Variants in MSRA observed in about 807,000 individuals in gnomAD.
MSRA encodes methionine sulfoxide reductase A.
A neutral mutation model predicts 31.3 loss-of-function variants in MSRA; 54 were observed. That is an observed-to-expected ratio of 1.73 (90% CI 1.39 to 2.17). MSRA has a LOEUF of 2.17. Ranked by LOEUF, MSRA falls within the 30% of genes most tolerant of loss-of-function variation. MSRA has a pLI of 0.00. For missense variants in MSRA, 507 were observed against 300.9 expected (o/e 1.69, Z -5.07); for synonymous variants, 169 against 116.5 (o/e 1.45, Z -2.90).
At chr8:10,320,204 C>T (rs954972212) in intron 5 of MSRA, 1 of 373,610 alleles carries the variant, frequency 2.7e-6, no homozygotes, top group Middle Eastern at 7.1e-4. Context: ...GCCAGTGGCT[C>T]ATGCCTGTAA....
intron 1 of MSRA, among the ~76,000 whole-genome samples, chr8:10,189,856 C>T (rs1807361281): frequency 6.6e-6 from 1 of 152,022 alleles, no homozygotes; most frequent in South Asian, 2.1e-4. Flanking sequence ...GGGAAAGGTT[C>T]CCCCTTCCTC....
chr8:10,354,116 T>G (rs566888236), intron 5 of MSRA, among the ~76,000 whole-genome samples: 21 of 152,360 alleles, frequency 1.4e-4, no homozygotes, highest in African/African-American at 5.0e-4. Context: ...GCACTTTATT[T>G]TTGAATCTTT....
intron 1 of MSRA, among the ~76,000 whole-genome samples, chr8:10,166,769 G>T (rs994253558): frequency 1.3e-5 from 2 of 152,068 alleles, no homozygotes; most frequent in South Asian, 2.1e-4. Context: ...TGGTGGTTTT[G>T]CCCATTTCTA....
intron 1 of MSRA, among the ~76,000 whole-genome samples, chr8:10,204,558 G>T (rs932960912): frequency 6.6e-6 from 1 of 152,310 alleles, no homozygotes; most frequent in African/African-American, 2.4e-5. Flanking sequence ...TCATAGCCTA[G>T]GGGCAATAGA....
At chr8:10,190,991 G>A (rs1311199203) in intron 1 of MSRA, among the ~76,000 whole-genome samples, 1 of 152,188 alleles carries the variant, frequency 6.6e-6, no homozygotes, top group Admixed American at 6.5e-5. Flanking sequence ...GTTTTCTGGT[G>A]TCTCATGACC....
intron 5 of MSRA, among the ~76,000 whole-genome samples, chr8:10,406,165 G>C (rs535902270): frequency 6.6e-6 from 1 of 152,254 alleles, no homozygotes; most frequent in African/African-American, 2.4e-5. Flanking sequence ...CTTGTGTCGG[G>C]CAGTGGCGGG....
intron 1 of MSRA, among the ~76,000 whole-genome samples, chr8:10,186,492 A>G (rs756154951): frequency 2.6e-5 from 4 of 152,242 alleles, no homozygotes; most frequent in Non-Finnish European, 2.9e-5. Context: ...ATTAAAATAT[A>G]TGAAAACCAC....
intron 1 of MSRA, among the ~76,000 whole-genome samples, chr8:10,175,484 C>T (rs868013831): frequency 6.6e-6 from 1 of 152,142 alleles, no homozygotes; most frequent in Admixed American, 6.5e-5. Context: ...AACCGAGATT[C>T]CAGATTAAAG....
At chr8:10,144,436 A>G (rs1307058759) in intron 1 of MSRA, among the ~76,000 whole-genome samples, 6 of 152,188 alleles carry the variant, frequency 3.9e-5, no homozygotes, top group African/African-American at 1.2e-4. Context: ...ACGTAAGTTA[A>G]TATTTGTGAA....
At chr8:10,268,080 ACT>A (rs1798838766) in intron 3 of MSRA, among the ~76,000 whole-genome samples, 1 of 152,074 alleles carries the variant, frequency 6.6e-6, no homozygotes, top group Non-Finnish European at 1.5e-5. Context: ...TTTATTTATA[ACT>A]CTAGTGCCAT....
intron 1 of MSRA, among the ~76,000 whole-genome samples, chr8:10,203,722 G>A (rs1447241925): frequency 1.3e-5 from 2 of 152,174 alleles, no homozygotes; most frequent in Non-Finnish European, 1.5e-5. Flanking sequence ...ATTTTAGAGT[G>A]TGCTCCTGCA....
chr8:10,183,995 TG>T (rs1490172912), intron 1 of MSRA, among the ~76,000 whole-genome samples: 1 of 816 alleles, frequency 1.2e-3, no homozygotes, highest in African/African-American at 3.4e-3. Flanking sequence ...CTGGTTTTCT[TG>T]GCTACTAGGT....
chr8:10,314,351 G>C (rs1261382508), intron 4 of MSRA, among the ~76,000 whole-genome samples: 1 of 151,894 alleles, frequency 6.6e-6, no homozygotes, highest in East Asian at 1.9e-4. Context: ...AGACTGCTGA[G>C]AGAAAAAATG....
intron 5 of MSRA, among the ~76,000 whole-genome samples, chr8:10,356,411 A>C (rs1204010273): frequency 6.6e-6 from 1 of 152,186 alleles, no homozygotes; most frequent in Non-Finnish European, 1.5e-5. Context: ...CCTCTCCTCC[A>C]TCTGCCCCAC....
At chr8:10,211,236 C>T (rs1045557518) in intron 2 of MSRA, among the ~76,000 whole-genome samples, 1 of 152,106 alleles carries the variant, frequency 6.6e-6, no homozygotes, top group East Asian at 1.9e-4. Flanking sequence ...CATGAATGGT[C>T]ATATCAAGGG....
chr8:10,422,627 T>C (rs1001407907), intron 5 of MSRA, among the ~76,000 whole-genome samples: 6 of 152,080 alleles, frequency 3.9e-5, no homozygotes, highest in Non-Finnish European at 8.8e-5. Flanking sequence ...GTCAAGATAC[T>C]TGGAGTCAGT....
At chr8:10,312,989 T>C (rs995952437) in intron 4 of MSRA, among the ~76,000 whole-genome samples, 29 of 152,198 alleles carry the variant, frequency 1.9e-4, no homozygotes, top group African/African-American at 6.5e-4. Flanking sequence ...CTAATCAGCA[T>C]TGGAGTGGGG....
At chr8:10,424,413 A>G (rs544818954) in intron 5 of MSRA, among the ~76,000 whole-genome samples, 15 of 134,630 alleles carry the variant, frequency 1.1e-4, no homozygotes. Flanking sequence ...CCGGAATGGA[A>G]TAGGATCGGG....
At chr8:10,388,420 C>A (rs926512470) in intron 5 of MSRA, among the ~76,000 whole-genome samples, 1 of 152,202 alleles carries the variant, frequency 6.6e-6, no homozygotes, top group Non-Finnish European at 1.5e-5. Context: ...AGGGTAACTT[C>A]TCTGTTTTCA....
Sources: allele counts gnomAD v4.1 joint callset (sites outside exome capture counted in the v4.1 genomes callset), GRCh38; gene constraint gnomAD v4.1.1; transcripts MANE v1.5; gene names NCBI Gene and HGNC (gene_info 2026-07-23, HGNC 2026-07-21).